The following RYR2 variants were observed in gnomAD, a reference collection of about 807,000 sequenced individuals.
RYR2 encodes ryanodine receptor 2.
A neutral mutation model predicts 601.1 loss-of-function variants in RYR2; 227 were observed. That is an observed-to-expected ratio of 0.38 (90% CI 0.34 to 0.42). RYR2 has a LOEUF of 0.42. RYR2 is among the 10% of genes least tolerant of loss of function. The pLI, the probability that RYR2 is intolerant of heterozygous loss-of-function variation, is 1.00. For missense variants in RYR2, 4,646 were observed against 6,156.5 expected (o/e 0.75, Z 8.21); for synonymous variants, 2,223 against 2,175.1 (o/e 1.02, Z -0.61).
intron 86 of RYR2, among the ~76,000 whole-genome samples, chr1:237,772,957 A>G: frequency 6.6e-6 from 1 of 152,296 alleles, no homozygotes; most frequent in African/African-American, 2.4e-5. Context: ...GTTATTGTTA[A>G]ATACATCTGG....
intron 1 of RYR2, among the ~76,000 whole-genome samples, chr1:237,095,166 G>A (rs998426634): frequency 1.3e-5 from 2 of 152,224 alleles, no homozygotes; most frequent in African/African-American, 4.8e-5. Context: ...AAGTGTTAGA[G>A]ACAACAAAGG....
chr1:237,535,814 C>G (rs1425536581), intron 25 of RYR2, among the ~76,000 whole-genome samples: 1 of 151,970 alleles, frequency 6.6e-6, no homozygotes, highest in African/African-American at 2.4e-5. Flanking sequence ...TAAATTGATG[C>G]TTAATAAAGA....
intron 64 of RYR2, 40 bp from the exon 65 acceptor site, chr1:237,700,188 TC>T (rs1687842411): frequency 8.8e-7 from 1 of 1,135,720 alleles, no homozygotes; most frequent in South Asian, 1.4e-5. Context: ...TTTCATTTGT[TC>T]CTGTTGGAAG....
chr1:237,096,152 T>C (rs1199582129), intron 1 of RYR2, among the ~76,000 whole-genome samples: 1 of 152,162 alleles, frequency 6.6e-6, no homozygotes, highest in African/African-American at 2.4e-5. Context: ...AAAACCGGAT[T>C]GGACAGTGTC....
intron 100 of RYR2, among the ~76,000 whole-genome samples, chr1:237,814,565 T>C (rs1219759774): frequency 2.0e-5 from 3 of 151,898 alleles, no homozygotes; most frequent in Admixed American, 6.6e-5. Flanking sequence ...TTTTTTTTTT[T>C]TTCCAGATTA....
chr1:237,631,192 T>A (rs949221705), intron 41 of RYR2, among the ~76,000 whole-genome samples: 11 of 152,204 alleles, frequency 7.2e-5, no homozygotes, highest in African/African-American at 2.4e-4. Flanking sequence ...CTGTTTACAT[T>A]TTTACTATGT....
At chr1:237,093,401 C>T (rs937357403) in intron 1 of RYR2, among the ~76,000 whole-genome samples, 2 of 152,174 alleles carry the variant, frequency 1.3e-5, no homozygotes, top group African/African-American at 4.8e-5. Flanking sequence ...TTATTCATGA[C>T]ATGGAGCTGC....
chr1:237,101,937 G>T (rs576161382), intron 1 of RYR2, among the ~76,000 whole-genome samples: 7 of 152,334 alleles, frequency 4.6e-5, no homozygotes, highest in South Asian at 2.1e-4. Flanking sequence ...TGTTTAAAGT[G>T]TATTCGTAAA....
intron 12 of RYR2, among the ~76,000 whole-genome samples, chr1:237,440,442 C>A (rs935317892): frequency 5.9e-5 from 9 of 152,090 alleles, no homozygotes; most frequent in African/African-American, 2.2e-4. Context: ...GCTTTAGGGA[C>A]TGTACAGGAC....
intron 28 of RYR2, 97 bp from the exon 29 acceptor site, chr1:237,569,048 G>A: frequency 9.6e-7 from 1 of 1,045,144 alleles, no homozygotes; most frequent in Non-Finnish European, 1.4e-6. Context: ...CTGTTGTGTT[G>A]ATAGAAGGGA....
At chr1:237,691,606 C>A (rs1181137856) in intron 63 of RYR2, among the ~76,000 whole-genome samples, 3 of 151,894 alleles carry the variant, frequency 2.0e-5, no homozygotes, top group Admixed American at 6.6e-5. Context: ...TGTTTTTATG[C>A]CTAATCTATT....
chr1:237,646,296 G>A (rs1055479018), intron 48 of RYR2, among the ~76,000 whole-genome samples: 4 of 151,828 alleles, frequency 2.6e-5, no homozygotes, highest in South Asian at 2.1e-4. Context: ...AGCCACGGCC[G>A]TGCCACTGCA....
At chr1:237,190,263 C>T (rs1216908963) in intron 1 of RYR2, among the ~76,000 whole-genome samples, 1 of 152,132 alleles carries the variant, frequency 6.6e-6, no homozygotes, top group African/African-American at 2.4e-5. Context: ...TCTCTGCAGC[C>T]TTGCCAACAC....
chr1:237,062,172 C>T (rs1266895262), intron 1 of RYR2, among the ~76,000 whole-genome samples: 3 of 152,140 alleles, frequency 2.0e-5, no homozygotes, highest in Admixed American at 1.3e-4. Context: ...TGGTGTTCAT[C>T]TTCTAACTTT....
intron 23 of RYR2, among the ~76,000 whole-genome samples, chr1:237,510,776 A>G (rs1256647144): frequency 6.6e-6 from 1 of 152,246 alleles, no homozygotes; most frequent in Non-Finnish European, 1.5e-5. Context: ...GTCTCTGAGA[A>G]GATAACAAAC....
chr1:237,556,279 A>ATATTATTAT lies in RYR2; in HGVS notation c.3214+5615_3214+5623dup, dbSNP rs57036969. Reference sequence around the variant, plus strand: ...GCAATTCTCATTTCCATTTTTTAAAATATTATTATTATTATTATTATTATT... The same window carrying ATATTATTAT: ...GCAATTCTCATTTCCATTTTTTAAAATATTATTATTATTATTATTATTATTATTATTATT... On this transcript the variant is annotated intron_variant, in intron 27 of 104. Coordinates refer to ENST00000366574, the MANE Select transcript of RYR2 (RefSeq NM_001035.3). Among the ~76,000 whole-genome samples, 595 of 142,916 alleles carry ATATTATTAT rather than the reference A, an allele frequency of 4.2e-3. 5 individuals carry two copies. The highest frequency in any genetic ancestry group is 4.0e-3 in the Admixed American group (57 of 14,114). 93.8% of individuals were successfully genotyped at this position (142,916 alleles called of 152,430 possible). A position where few individuals can be genotyped will look rare whatever the true frequency, so the allele number is the denominator to read the frequency against.
At chr1:237,621,701 C>T (rs552492017) in intron 38 of RYR2, among the ~76,000 whole-genome samples, 2 of 152,144 alleles carry the variant, frequency 1.3e-5, no homozygotes, top group Admixed American at 6.5e-5. Flanking sequence ...ATACATATAT[C>T]GAAACATCAC....
intron 1 of RYR2, among the ~76,000 whole-genome samples, chr1:237,248,020 T>TC (rs577058287): frequency 2.6e-5 from 4 of 152,148 alleles, no homozygotes; most frequent in African/African-American, 9.6e-5. Context: ...ATGCCTATAA[T>TC]CCCAGCACTT....
At chr1:237,786,451 G>C (rs1336632712) in intron 91 of RYR2, among the ~76,000 whole-genome samples, 1 of 152,166 alleles carries the variant, frequency 6.6e-6, no homozygotes, top group Admixed American at 6.5e-5. Flanking sequence ...CTGTGGAGTG[G>C]TGCTCCTTAA....
Sources: gnomAD v4.1 joint callset for allele counts (sites outside exome capture counted in the v4.1 genomes callset) on GRCh38, gnomAD v4.1.1 for gene constraint, MANE v1.5 for transcripts, NCBI Gene and HGNC (gene_info 2026-07-23, HGNC 2026-07-21) for gene names.